DOK6: variants seen among roughly 807,000 people sequenced by gnomAD.
The protein encoded by DOK6 is docking protein 6.
A neutral mutation model predicts 44.0 loss-of-function variants in DOK6; 22 were observed. The ratio of observed to expected loss-of-function variants is 0.50; its 90% CI spans 0.36 to 0.71. The LOEUF (loss-of-function observed/expected upper bound fraction) is 0.71, where lower values mean the gene tolerates loss of function less well. DOK6 is among the 30% of genes least tolerant of loss of function. The pLI is 0.00. For synonymous variants in DOK6, 166 were observed against 145.5 expected (o/e 1.14, Z -1.01); for missense variants, 340 against 416.4 (o/e 0.82, Z 1.60).
At chr18:69,812,581 G>A (rs1303672070) in intron 7 of DOK6, among the ~76,000 whole-genome samples, 2 of 152,120 alleles carry the variant, frequency 1.3e-5, no homozygotes, top group East Asian at 3.9e-4. Context: ...CACAGTTGAA[G>A]GACAACGCTA....
chr18:69,622,311 T>C (rs546457876), intron 3 of DOK6, among the ~76,000 whole-genome samples: 1 of 152,346 alleles, frequency 6.6e-6, no homozygotes, highest in African/African-American at 2.4e-5. Flanking sequence ...CTTTGTCTCC[T>C]GTGAATTCAA....
chr18:69,608,669 A>T (rs1206813078), intron 3 of DOK6, among the ~76,000 whole-genome samples: 1 of 152,078 alleles, frequency 6.6e-6, no homozygotes, highest in Non-Finnish European at 1.5e-5. Flanking sequence ...ATCTTTTTGA[A>T]TTTCTTTCAT....
chr18:69,409,492 C>G (rs1386602636), intron 1 of DOK6, among the ~76,000 whole-genome samples: 1 of 152,084 alleles, frequency 6.6e-6, no homozygotes, highest in African/African-American at 2.4e-5. Context: ...GTATGTATTT[C>G]CAAATGGCAC....
chr18:69,829,265 A>C lies in DOK6; in HGVS notation c.857-11979A>C, dbSNP rs1599348718. On this transcript the variant is annotated intron_variant, in intron 7 of 7. Coordinates refer to ENST00000382713, the MANE Select transcript of DOK6 (RefSeq NM_152721.6). ...TTTGGTTCCTTAATTAAAAAAAAAA[A>C]ATACAGCTTTTCATCCTGAAGCTTA... 2.0e-5 allele frequency among the ~76,000 whole-genome samples: 3 copies of C among 151,894 alleles called. No homozygotes were observed. The South Asian group carries it at 6.2e-4, about 32-fold the overall frequency.
At chr18:69,795,935 C>T (rs1394966562) in intron 7 of DOK6, among the ~76,000 whole-genome samples, 1 of 151,522 alleles carries the variant, frequency 6.6e-6, no homozygotes. Context: ...AAAGAGCCAG[C>T]CACTGAACTG....
At chr18:69,568,341 A>T (rs1983035496) in intron 2 of DOK6, among the ~76,000 whole-genome samples, 1 of 152,240 alleles carries the variant, frequency 6.6e-6, no homozygotes, top group Non-Finnish European at 1.5e-5. Context: ...CTGCTGAGTC[A>T]TGCAGGATGT....
intron 7 of DOK6, among the ~76,000 whole-genome samples, chr18:69,810,593 A>T (rs766691153): frequency 6.6e-6 from 1 of 152,002 alleles, no homozygotes; most frequent in Non-Finnish European, 1.5e-5. Flanking sequence ...TATCCAAAGT[A>T]TATAAGGAAC....
intron 1 of DOK6, among the ~76,000 whole-genome samples, chr18:69,544,763 C>G (rs1599183535): frequency 6.6e-6 from 1 of 151,462 alleles, no homozygotes; most frequent in South Asian, 2.1e-4. Context: ...ACCTCTATGG[C>G]TGATTGATTA....
rs1291134058 is a variant in DOK6 at position 69,582,365 on chromosome 18, C to A, written c.175-17019C>A. Among the ~76,000 whole-genome samples the A allele has an allele frequency of 2.0e-5, 3 of 152,120 alleles. No individual in the cohort carries two copies. In the East Asian group the frequency reaches 5.8e-4, roughly 29 times the overall value. The stretch of plus-strand genomic sequence containing the variant: ...GAATATTATGAAATATGCCTAAATG[C>A]AATAAGTGTATAGGTGAACGTCAGC... On this transcript the variant is annotated intron_variant, in intron 2 of 7. Coordinates refer to ENST00000382713, the MANE Select transcript of DOK6 (RefSeq NM_152721.6).
intron 3 of DOK6, among the ~76,000 whole-genome samples, chr18:69,606,271 TC>T: frequency 7.4e-6 from 1 of 135,178 alleles, no homozygotes. Flanking sequence ...AAACTCCATC[TC>T]AAAATAAATA....
chr18:69,722,164 G>A (rs1303959236), intron 5 of DOK6, among the ~76,000 whole-genome samples: 2 of 152,160 alleles, frequency 1.3e-5, no homozygotes, highest in African/African-American at 4.8e-5. Flanking sequence ...ACTGTTTGAA[G>A]AGCTTTGATA....
chr18:69,566,539 C>A (rs1014309847), intron 2 of DOK6, among the ~76,000 whole-genome samples: 2 of 152,200 alleles, frequency 1.3e-5, no homozygotes, highest in Admixed American at 1.3e-4. Flanking sequence ...TAGACACACT[C>A]TAGTACTCTA....
rs187748873 is a variant in DOK6 at position 69,410,317 on chromosome 18, T to C, written c.66+9007T>C. On this transcript the variant is annotated intron_variant, in intron 1 of 7. Transcript: ENST00000382713. ...GCGTTCCTCACTGAATTGGCCTGCC[T>C]GGAGTTGAGTGTAGGTTTGCTTTAG... Among the ~76,000 whole-genome samples the C allele has an allele frequency of 3.9e-3, 592 of 152,368 alleles. 2 individuals carry two copies. The highest frequency in any genetic ancestry group is 6.6e-3 in the Non-Finnish European group (449 of 68,034).
intron 3 of DOK6, among the ~76,000 whole-genome samples, chr18:69,616,584 T>C (rs1367012057): frequency 2.6e-5 from 4 of 152,014 alleles, no homozygotes; most frequent in Non-Finnish European, 4.4e-5. Flanking sequence ...ATTTAGAAAC[T>C]ACTTTTTTAA....
At chr18:69,439,851 T>A (rs1399749368) in intron 1 of DOK6, among the ~76,000 whole-genome samples, 1 of 152,228 alleles carries the variant, frequency 6.6e-6, no homozygotes, top group African/African-American at 2.4e-5. Context: ...GTAGTAGCAC[T>A]TTTCATTTCC....
intron 1 of DOK6, among the ~76,000 whole-genome samples, chr18:69,512,417 C>T (rs1981398714): frequency 1.4e-5 from 2 of 146,756 alleles, no homozygotes; most frequent in Admixed American, 1.4e-4. Flanking sequence ...AATCTTGGCT[C>T]ACTGCAGCCT....
intron 5 of DOK6, among the ~76,000 whole-genome samples, chr18:69,704,399 C>A (rs1418232714): frequency 4.6e-5 from 7 of 151,482 alleles, no homozygotes; most frequent in African/African-American, 1.5e-4. Context: ...AGCAATCCAG[C>A]AAGCCACTGA....
At chr18:69,760,199 T>A (rs1039827283) in intron 7 of DOK6, among the ~76,000 whole-genome samples, 5 of 152,168 alleles carry the variant, frequency 3.3e-5, no homozygotes, top group East Asian at 1.9e-4. Flanking sequence ...GCCTCAGTAG[T>A]TTTTTTACTA....
chr18:69,575,852 A>C (rs1983226140), intron 2 of DOK6, among the ~76,000 whole-genome samples: 1 of 152,106 alleles, frequency 6.6e-6, no homozygotes, highest in South Asian at 2.1e-4. Context: ...TTTCCTTGGG[A>C]CAGGACAGGT....
Sources: gnomAD v4.1 joint callset for allele counts (sites outside exome capture counted in the v4.1 genomes callset) on GRCh38, gnomAD v4.1.1 for gene constraint, MANE v1.5 for transcripts, NCBI Gene and HGNC (gene_info 2026-07-23, HGNC 2026-07-21) for gene names.